Variants in DOK6 observed in about 807,000 individuals in gnomAD.
DOK6 encodes docking protein 6.
A neutral mutation model predicts 44.0 loss-of-function variants in DOK6; 22 were observed. The ratio of observed to expected loss-of-function variants is 0.50; its 90% CI spans 0.36 to 0.71. DOK6 has a LOEUF of 0.71. Among genes scored for constraint, DOK6 ranks in the 30% least tolerant of loss-of-function variants. The probability of loss-of-function intolerance (pLI) is 0.00; values close to 1 mark genes in which losing one functional copy is unlikely to be tolerated. For missense variants in DOK6, 340 were observed against 416.4 expected, an observed-to-expected ratio of 0.82 and a Z score of 1.60; for synonymous variants, 166 against 145.5, an observed-to-expected ratio of 1.14 and a Z score of -1.01.
At chr18:69,585,387 T>C (rs1265675591) in intron 2 of DOK6, among the ~76,000 whole-genome samples, 3 of 152,184 alleles carry the variant, frequency 2.0e-5, no homozygotes, top group Non-Finnish European at 2.9e-5. Flanking sequence ...CTAAGACTTT[T>C]TTATCACCAT....
intron 3 of DOK6, among the ~76,000 whole-genome samples, chr18:69,677,439 T>G (rs1158865905): frequency 6.6e-6 from 1 of 151,622 alleles, no homozygotes; most frequent in Non-Finnish European, 1.5e-5. Flanking sequence ...TAAATTTTCC[T>G]CCCCAAGTAA....
chr18:69,730,317 G>A (rs906809311), intron 5 of DOK6, among the ~76,000 whole-genome samples: 3 of 152,036 alleles, frequency 2.0e-5, no homozygotes, highest in Admixed American at 6.6e-5. Context: ...AGTCTAGTTG[G>A]GAAAACATCA....
chr18:69,720,955 A>G (rs1986992788), intron 5 of DOK6, among the ~76,000 whole-genome samples: 1 of 152,198 alleles, frequency 6.6e-6, no homozygotes, highest in Admixed American at 6.5e-5. Flanking sequence ...AATGCCTTAT[A>G]TACAGCCCAC....
intron 3 of DOK6, among the ~76,000 whole-genome samples, chr18:69,656,812 G>A (rs1015928813): frequency 6.6e-6 from 1 of 152,160 alleles, no homozygotes; most frequent in Non-Finnish European, 1.5e-5. Context: ...AGAAGAGTGA[G>A]TGTGGGCTCC....
chr18:69,783,608 T>G (rs939265853), intron 7 of DOK6, among the ~76,000 whole-genome samples: 5 of 152,170 alleles, frequency 3.3e-5, no homozygotes, highest in Non-Finnish European at 7.3e-5. Flanking sequence ...CTCTGGATTT[T>G]CTAGAGACAA....
chr18:69,780,336 A>G (rs1382012188), intron 7 of DOK6, among the ~76,000 whole-genome samples: 1 of 152,172 alleles, frequency 6.6e-6, no homozygotes, highest in Non-Finnish European at 1.5e-5. Flanking sequence ...TCATGCCTGT[A>G]ATCCCAGCAC....
chr18:69,685,294 A>C (rs1047741066), intron 4 of DOK6, among the ~76,000 whole-genome samples: 1 of 152,200 alleles, frequency 6.6e-6, no homozygotes, highest in Non-Finnish European at 1.5e-5. Context: ...GTAGCCTGTC[A>C]GAAAAAAGTT....
rs573621273 is a variant in DOK6, at chr18:69,606,129, G to A, written c.289+6631G>A. On this transcript the variant is annotated intron_variant, in intron 3 of 7. Coordinates refer to ENST00000382713, the MANE Select transcript of DOK6 (RefSeq NM_152721.6). ...TCTACTAAAATACAAAAAATTAGCC[G>A]GGCGTGGTGGTGCATGCCCGTAGTC... Among the ~76,000 whole-genome samples, 9 of 151,752 alleles carry A rather than the reference G, an allele frequency of 5.9e-5. No homozygotes were observed. The South Asian group carries it at 1.0e-3, about 18-fold the overall frequency.
intron 1 of DOK6, among the ~76,000 whole-genome samples, chr18:69,412,424 T>C (rs772095281): frequency 6.6e-6 from 1 of 152,138 alleles, no homozygotes; most frequent in Non-Finnish European, 1.5e-5. Context: ...GGTTATTTTT[T>C]CTCTTTTGTT....
chr18:69,618,894 G>A (rs1443753276), intron 3 of DOK6, among the ~76,000 whole-genome samples: 6 of 151,842 alleles, frequency 4.0e-5, no homozygotes, highest in Non-Finnish European at 5.9e-5. Context: ...TAAAAATAAC[G>A]ATTTTTTTTT....
chr18:69,823,294 A>G (rs1053776738), intron 7 of DOK6, among the ~76,000 whole-genome samples: 5 of 152,250 alleles, frequency 3.3e-5, no homozygotes, highest in Non-Finnish European at 7.3e-5. Flanking sequence ...AGGTATGCAG[A>G]GGATGCTAAC....
intron 1 of DOK6, among the ~76,000 whole-genome samples, chr18:69,539,360 A>G (rs1599180612): frequency 6.6e-6 from 1 of 151,966 alleles, no homozygotes; most frequent in Non-Finnish European, 1.5e-5. Context: ...TGTAGTGGAA[A>G]CTTATTTTTC....
intron 1 of DOK6, among the ~76,000 whole-genome samples, chr18:69,402,094 C>CG (rs1916112992): frequency 6.6e-6 from 1 of 152,108 alleles, no homozygotes. Context: ...GTCACCTGGG[C>CG]GGGAGCAGCC....
chr18:69,625,054 C>T (rs1258995295), intron 3 of DOK6, among the ~76,000 whole-genome samples: 1 of 152,094 alleles, frequency 6.6e-6, no homozygotes, highest in Non-Finnish European at 1.5e-5. Flanking sequence ...GACTTGGCAA[C>T]TCTAGTGAAG....
At chr18:69,455,458 AACATTG>A (rs1446502122) in intron 1 of DOK6, among the ~76,000 whole-genome samples, 1 of 152,214 alleles carries the variant, frequency 6.6e-6, no homozygotes, top group African/African-American at 2.4e-5. Context: ...ACATAAAGTG[AACATTG>A]ACTCAACTAT....
intron 3 of DOK6, among the ~76,000 whole-genome samples, chr18:69,674,023 G>A (rs1599256388): frequency 6.6e-6 from 1 of 152,096 alleles, no homozygotes; most frequent in Admixed American, 6.5e-5. Flanking sequence ...TATTGCATTT[G>A]TATTGAATCT....
chr18:69,430,059 G>T (rs1280518398), intron 1 of DOK6, among the ~76,000 whole-genome samples: 1 of 152,058 alleles, frequency 6.6e-6, no homozygotes, highest in Non-Finnish European at 1.5e-5. Context: ...TTACATCATT[G>T]ATCTTCAAAA....
In DOK6 at chr18:69,751,928, C is replaced by A. The variant is rs529201093; in HGVS notation, c.739-5828C>A. On this transcript the variant is annotated intron_variant, in intron 6 of 7. Transcript: ENST00000382713. The stretch of plus-strand genomic sequence containing the variant: ...TTATGTAAAAAAGGAAATAAAGCTA[C>A]AATTTACAATTATATAATTTTAGGA... Among the ~76,000 whole-genome samples, 72 of 152,166 alleles carry A rather than the reference C, an allele frequency of 4.7e-4. No homozygotes were observed. The South Asian group carries it at 0.013, about 28-fold the overall frequency.
chr18:69,484,370 T>C (rs9319781), intron 1 of DOK6, among the ~76,000 whole-genome samples: 34,702 of 152,128 alleles, frequency 0.23, 4,359 homozygotes, highest in East Asian at 0.53. Context: ...ACTCAGTTGA[T>C]TTATTTTTGC....
Sources: gnomAD v4.1 joint callset for allele counts (sites outside exome capture counted in the v4.1 genomes callset) on GRCh38, gnomAD v4.1.1 for gene constraint, MANE v1.5 for transcripts, NCBI Gene and HGNC (gene_info 2026-07-23, HGNC 2026-07-21) for gene names.